Variants in CDH13 observed in about 807,000 individuals in gnomAD.
The protein encoded by CDH13 is cadherin 13, also known as cadherin-13.
CDH13 carries 24 observed loss-of-function variants against 63.8 expected under a neutral mutation model. The ratio of observed to expected loss-of-function variants is 0.38; its 90% confidence interval spans 0.27 to 0.53. The LOEUF (loss-of-function observed/expected upper bound fraction) is 0.53, where lower values mean the gene tolerates loss of function less well. CDH13 is among the 20% of genes least tolerant of loss of function. The probability of loss-of-function intolerance (pLI) is 0.85; values close to 1 mark genes in which losing one functional copy is unlikely to be tolerated. For synonymous variants in CDH13, 503 were observed against 355.3 expected (o/e 1.42, Z -4.67); for missense variants, 1,049 against 903.1 (o/e 1.16, Z -2.07).
chr16:82,715,425 T>A (rs191577590), intron 1 of CDH13, among the ~76,000 whole-genome samples: 112 of 152,258 alleles, frequency 7.4e-4, no homozygotes, highest in Middle Eastern at 3.4e-3. Context: ...TAACGGGTAA[T>A]GAAGAGTAGG....
At position 83,509,969 on chromosome 16, in the gene CDH13, G is replaced by T. The variant is rs374819319; in HGVS notation, c.960+23314G>T. 3.1e-4 allele frequency among the ~76,000 whole-genome samples: 47 copies of T among 152,256 alleles called. No homozygotes were observed. In the East Asian group the frequency reaches 3.9e-3, roughly 13 times the overall value. ...GACAGAGGATTGGGAGCATGGTATT[G>T]TAGCCAGCGTACCTCCTTGTGTCTA... On this transcript the variant is annotated intron_variant, in intron 7 of 13. Transcript: ENST00000567109.
chr16:83,329,621 G>A (rs1271771663), intron 5 of CDH13, among the ~76,000 whole-genome samples: 1 of 152,032 alleles, frequency 6.6e-6, no homozygotes, highest in Admixed American at 6.5e-5. Flanking sequence ...TCATGCTATT[G>A]TGAAACACAT....
intron 4 of CDH13, among the ~76,000 whole-genome samples, chr16:83,179,884 G>C (rs2038278690): frequency 6.8e-6 from 1 of 147,608 alleles, no homozygotes; most frequent in African/African-American, 2.7e-5. Flanking sequence ...TATCAAAATA[G>C]GTTAAGTTTT....
chr16:83,473,520 T>A lies in CDH13; in HGVS notation c.782-12957T>A, dbSNP rs547917483. The stretch of plus-strand genomic sequence containing the variant: ...TACCTGGAACTTCAGCCAGGTCACT[T>A]ACCTAACAGGTGTGGTTCTGGAGTC... On this transcript the variant is annotated intron_variant, in intron 6 of 13. Coordinates refer to ENST00000567109, the MANE Select transcript of CDH13 (RefSeq NM_001257.5). Among the ~76,000 whole-genome samples, 9 of 152,314 alleles carry A rather than the reference T, an allele frequency of 5.9e-5. No individual in the cohort carries two copies. The South Asian group carries it at 1.9e-3, about 32-fold the overall frequency.
At chr16:83,154,288 G>T (rs1370693347) in intron 4 of CDH13, among the ~76,000 whole-genome samples, 1 of 152,140 alleles carries the variant, frequency 6.6e-6, no homozygotes, top group East Asian at 1.9e-4. Flanking sequence ...CAAGTGCAGT[G>T]GCTCACATCT....
chr16:83,533,498 C>G (rs1423363722), intron 7 of CDH13, among the ~76,000 whole-genome samples: 1 of 152,054 alleles, frequency 6.6e-6, no homozygotes, highest in Non-Finnish European at 1.5e-5. Context: ...GGTTTCTCAG[C>G]TCTCATAATA....
chr16:82,925,642 C>T (rs369236938), intron 2 of CDH13, among the ~76,000 whole-genome samples: 1 of 152,090 alleles, frequency 6.6e-6, no homozygotes. Flanking sequence ...CACTGCCTAC[C>T]AACATGTAGA....
intron 6 of CDH13, among the ~76,000 whole-genome samples, chr16:83,475,527 G>A (rs1028448330): frequency 2.0e-5 from 3 of 152,188 alleles, no homozygotes; most frequent in African/African-American, 7.2e-5. Flanking sequence ...AAATGATAGG[G>A]TTGGACTGTT....
intron 3 of CDH13, among the ~76,000 whole-genome samples, chr16:83,096,512 G>A (rs138884682): frequency 2.4e-3 from 373 of 152,294 alleles, no homozygotes; most frequent in South Asian, 4.2e-3. Flanking sequence ...TTATCCTTGG[G>A]CTATGACCAC....
At chr16:83,718,749 C>A (rs1249768231) in intron 10 of CDH13, among the ~76,000 whole-genome samples, 2 of 152,186 alleles carry the variant, frequency 1.3e-5, no homozygotes, top group South Asian at 2.1e-4. Context: ...GTCTTATCAG[C>A]CCCTAGCTTC....
chr16:82,920,979 C>G (rs372566093), intron 2 of CDH13, among the ~76,000 whole-genome samples: 19 of 152,022 alleles, frequency 1.2e-4, no homozygotes, highest in Admixed American at 4.6e-4. Context: ...TTTTCTGCAT[C>G]TTTTGAGATG....
chr16:82,961,383 T>C (rs757899009), intron 2 of CDH13, among the ~76,000 whole-genome samples: 5 of 152,176 alleles, frequency 3.3e-5, no homozygotes, highest in Admixed American at 6.5e-5. Context: ...GGAAGTAATA[T>C]GTTGTTCTTC....
intron 7 of CDH13, among the ~76,000 whole-genome samples, chr16:83,503,537 T>A (rs1014116525): frequency 6.6e-6 from 1 of 151,890 alleles, no homozygotes; most frequent in African/African-American, 2.4e-5. Flanking sequence ...CACTCAGCAA[T>A]CAGAAACCTC....
chr16:82,970,876 T>G (rs920294422), intron 2 of CDH13, among the ~76,000 whole-genome samples: 11 of 152,232 alleles, frequency 7.2e-5, no homozygotes, highest in African/African-American at 2.7e-4. Context: ...GCAAGAGCAC[T>G]TTTTTACCTT....
At chr16:83,474,096 A>G (rs957509015) in intron 6 of CDH13, among the ~76,000 whole-genome samples, 3 of 152,120 alleles carry the variant, frequency 2.0e-5, no homozygotes, top group African/African-American at 7.2e-5. Flanking sequence ...GACTTCCCTG[A>G]GCCTGAGTCT....
At chr16:83,260,422 A>C (rs1241733953) in intron 5 of CDH13, among the ~76,000 whole-genome samples, 2 of 152,162 alleles carry the variant, frequency 1.3e-5, no homozygotes, top group African/African-American at 4.8e-5. Flanking sequence ...TCTATTTCTC[A>C]TATTTCTCCC....
rs553793580 is a variant in CDH13 at position 83,348,294 on chromosome 16, G to A, written c.781+3288G>A. On this transcript the variant is annotated intron_variant, in intron 6 of 13. Coordinates refer to ENST00000567109, the MANE Select transcript of CDH13 (RefSeq NM_001257.5). ...GCAGGCCCAGCTGGGGGAAGTATTTGTGCAGTTCTATCAGATGAACTGATT... is the reference window on the plus strand; with the variant it reads ...GCAGGCCCAGCTGGGGGAAGTATTTATGCAGTTCTATCAGATGAACTGATT... 3.3e-5 allele frequency among the ~76,000 whole-genome samples: 5 copies of A among 152,312 alleles called. No homozygotes were observed. In the South Asian group the frequency reaches 8.3e-4, roughly 25 times the overall value.
At chr16:83,696,734 T>C (rs986405983) in intron 10 of CDH13, among the ~76,000 whole-genome samples, 2 of 152,214 alleles carry the variant, frequency 1.3e-5, no homozygotes, top group African/African-American at 4.8e-5. Context: ...GCAACTGCAC[T>C]ACATAAACTT....
intron 7 of CDH13, among the ~76,000 whole-genome samples, chr16:83,516,228 A>C (rs1598202210): frequency 6.6e-6 from 1 of 152,234 alleles, no homozygotes; most frequent in African/African-American, 2.4e-5. Context: ...ATAGTGCCAA[A>C]GAATGAGAAG....
Sources: allele counts gnomAD v4.1 joint callset (sites outside exome capture counted in the v4.1 genomes callset), GRCh38; gene constraint gnomAD v4.1.1; transcripts MANE v1.5; gene names NCBI Gene and HGNC (gene_info 2026-07-23, HGNC 2026-07-21).